Variants in CNTN6 observed in about 807,000 individuals in gnomAD.
CNTN6 encodes contactin-6.
In CNTN6, 137 loss-of-function variants were observed where a neutral mutation model predicts 122.8. The ratio of observed to expected loss-of-function variants is 1.12; its 90% CI spans 0.97 to 1.29. CNTN6 has a LOEUF of 1.29. CNTN6 is among the 50% of genes most tolerant of loss of function. CNTN6 has a pLI of 0.00. For synonymous variants in CNTN6, 570 were observed against 426.0 expected, an observed-to-expected ratio of 1.34 and a Z score of -4.16; for missense variants, 1,634 against 1,223.4, an observed-to-expected ratio of 1.34 and a Z score of -5.01.
intron 4 of CNTN6, among the ~76,000 whole-genome samples, chr3:1,276,818 T>C (rs766655258): frequency 5.9e-5 from 9 of 152,172 alleles, no homozygotes; most frequent in Non-Finnish European, 1.0e-4. Flanking sequence ...ATATGTAATA[T>C]AATGATCTAA....
intron 11 of CNTN6, among the ~76,000 whole-genome samples, chr3:1,347,059 G>A (rs371624090): frequency 3.9e-5 from 6 of 152,158 alleles, no homozygotes; most frequent in East Asian, 3.9e-4. Context: ...ATATTTATAC[G>A]TTATTGGCTT....
chr3:1,379,717 C>G (rs1016930429), intron 17 of CNTN6, among the ~76,000 whole-genome samples: 13 of 152,012 alleles, frequency 8.6e-5, no homozygotes, highest in African/African-American at 3.1e-4. Flanking sequence ...GGGTGGATAT[C>G]TGATATGCAG....
intron 4 of CNTN6, among the ~76,000 whole-genome samples, chr3:1,271,385 AGAG>A (rs1161725185): frequency 6.6e-6 from 1 of 152,164 alleles, no homozygotes; most frequent in African/African-American, 2.4e-5. Flanking sequence ...GACGCAAGTA[AGAG>A]GAGTAACTAA....
chr3:1,267,006 C>A (rs192768486), intron 4 of CNTN6, among the ~76,000 whole-genome samples: 1 of 149,006 alleles, frequency 6.7e-6, no homozygotes, highest in African/African-American at 2.5e-5. Context: ...ACCTGCGACC[C>A]CCAGGTTCAA....
intron 4 of CNTN6, among the ~76,000 whole-genome samples, chr3:1,268,382 C>A (rs1040496762): frequency 2.6e-5 from 4 of 151,880 alleles, no homozygotes; most frequent in Non-Finnish European, 4.4e-5. Context: ...CCGAGGCGGG[C>A]GGATCACGAG....
At chr3:1,338,491 G>C (rs796144856) in intron 11 of CNTN6, among the ~76,000 whole-genome samples, 15 of 152,192 alleles carry the variant, frequency 9.9e-5, no homozygotes, top group African/African-American at 3.4e-4. Context: ...TATCTACTTA[G>C]ATAGAAATGT....
intron 21 of CNTN6, 89 bp from the exon 22 acceptor site, chr3:1,402,229 T>C: frequency 1.1e-6 from 1 of 918,084 alleles, no homozygotes; most frequent in Non-Finnish European, 1.6e-6. Flanking sequence ...TATGATGATG[T>C]ATCTTATGTC....
intron 7 of CNTN6, among the ~76,000 whole-genome samples, chr3:1,304,643 A>T (rs1575623164): frequency 6.6e-6 from 1 of 152,178 alleles, no homozygotes; most frequent in Non-Finnish European, 1.5e-5. Flanking sequence ...TTTCCCATTT[A>T]TATTATCTAT....
Position 1,387,982 on chromosome 3 carries a change from G to C in CNTN6, c.2704+2185G>C, listed in dbSNP as rs1358761168. ...AACTGCAAGGCGGCAGCGAGGCTGG[G>C]GGAGGGGCGCCCGCCATTGGCCAGG... On this transcript the variant is annotated intron_variant, in intron 20 of 22. Transcript: ENST00000446702. Among the ~76,000 whole-genome samples, 4 of 152,252 alleles carry C rather than the reference G, an allele frequency of 2.6e-5. No homozygotes were observed. The East Asian group carries it at 5.8e-4, about 22-fold the overall frequency.
At position 1,385,697 on chromosome 3, in the gene CNTN6, G is replaced by A; in HGVS notation, c.2604G>A (p.Gly868=). The change falls in exon 20 of 23, where the codon GGG becomes GGA. Residue 868 remains glycine (G), a synonymous_variant. Coordinates refer to ENST00000446702, the MANE Select transcript of CNTN6 (RefSeq NM_001289080.2). The part of the protein sequence containing the change: ...SGNVTTKNIT[G]LKANTIYFAS... ...ATGTCACAACCAAAAACATCACGGG[G>A]CTGAAAGCTAATACCATCTACTTTG... 1 of 1,614,062 alleles carries A rather than the reference G, an allele frequency of 6.2e-7. No homozygotes were observed. Among genetic ancestry groups the A allele is most frequent in the Non-Finnish European group, 8.5e-7 (1 of 1,179,960 alleles).
intron 4 of CNTN6, among the ~76,000 whole-genome samples, chr3:1,269,477 C>A (rs770929369): frequency 4.6e-5 from 7 of 152,294 alleles, no homozygotes; most frequent in East Asian, 1.9e-4. Flanking sequence ...TTCTGTTTCT[C>A]TCATCTACTT....
intron 2 of CNTN6, among the ~76,000 whole-genome samples, chr3:1,171,624 T>C (rs902550290): frequency 1.3e-5 from 2 of 152,162 alleles, no homozygotes; most frequent in African/African-American, 4.8e-5. Context: ...ACTCTTTTTT[T>C]TTAGGCAGAG....
chr3:1,257,332 A>G (rs543932267), intron 4 of CNTN6, among the ~76,000 whole-genome samples: 2 of 152,226 alleles, frequency 1.3e-5, no homozygotes, highest in East Asian at 3.9e-4. Context: ...ATGATACAGA[A>G]ATTTTAGCAA....
intron 1 of CNTN6, among the ~76,000 whole-genome samples, chr3:1,120,111 A>G (rs147293391): frequency 1.7e-3 from 252 of 150,856 alleles, no homozygotes; most frequent in African/African-American, 5.8e-3. Flanking sequence ...TTGTTTATCC[A>G]TTCACCTATT....
chr3:1,340,771 C>G (rs1703769553), intron 11 of CNTN6, among the ~76,000 whole-genome samples: 1 of 152,100 alleles, frequency 6.6e-6, no homozygotes, highest in Admixed American at 6.6e-5. Flanking sequence ...CCATCACTTT[C>G]AAAACCATGT....
chr3:1,259,243 T>C (rs935996418), intron 4 of CNTN6, among the ~76,000 whole-genome samples: 6 of 152,116 alleles, frequency 3.9e-5, no homozygotes, highest in Non-Finnish European at 7.4e-5. Context: ...TGTTTATAGA[T>C]AAATAACTGA....
intron 3 of CNTN6, among the ~76,000 whole-genome samples, chr3:1,226,779 T>C (rs1417119346): frequency 3.9e-5 from 6 of 152,222 alleles, no homozygotes; most frequent in African/African-American, 9.6e-5. Context: ...TTTTCTGTTA[T>C]TAATCTTCCT....
chr3:1,357,833 A>G (rs528750115), intron 12 of CNTN6, among the ~76,000 whole-genome samples: 1 of 151,294 alleles, frequency 6.6e-6, no homozygotes, highest in Admixed American at 6.6e-5. Flanking sequence ...ACATTTTATT[A>G]TATGTAAATT....
intron 11 of CNTN6, among the ~76,000 whole-genome samples, chr3:1,345,028 A>G (rs780936008): frequency 1.1e-4 from 16 of 151,748 alleles, no homozygotes; most frequent in Admixed American, 3.3e-4. Context: ...CTGATAAATT[A>G]GGTTTTCATC....
Sources: gnomAD v4.1 joint callset for allele counts (sites outside exome capture counted in the v4.1 genomes callset) on GRCh38, gnomAD v4.1.1 for gene constraint, MANE v1.5 for transcripts, NCBI Gene and HGNC (gene_info 2026-07-23, HGNC 2026-07-21) for gene names.